CSMD1: variants seen among roughly 807,000 people sequenced by gnomAD.
The protein encoded by CSMD1 is CUB and sushi domain-containing protein 1.
Under a neutral mutation model 417.5 loss-of-function variants are expected in CSMD1, and 213 were observed. That is an observed-to-expected ratio of 0.51 (90% confidence interval 0.46 to 0.57). The LOEUF is 0.57. Among genes scored for constraint, CSMD1 ranks in the 20% least tolerant of loss-of-function variants. The pLI is 0.00. For missense variants in CSMD1, 6,923 were observed against 4,529.7 expected (o/e 1.53, Z -15.17); for synonymous variants, 2,862 against 1,736.8 (o/e 1.65, Z -16.11).
intron 2 of CSMD1, among the ~76,000 whole-genome samples, chr8:4,571,240 T>C (rs1735301957): frequency 2.6e-5 from 4 of 152,200 alleles, no homozygotes; most frequent in Admixed American, 2.6e-4. Context: ...TGTTAGGGCA[T>C]CGATTTTGGA....
intron 7 of CSMD1, among the ~76,000 whole-genome samples, chr8:3,682,515 T>A (rs530832523): frequency 6.6e-6 from 1 of 152,164 alleles, no homozygotes; most frequent in Non-Finnish European, 1.5e-5. Context: ...ACAGTTGGAA[T>A]GGCGATCATT....
At chr8:4,278,911 G>C (rs547609410) in intron 3 of CSMD1, among the ~76,000 whole-genome samples, 1 of 152,150 alleles carries the variant, frequency 6.6e-6, no homozygotes, top group Non-Finnish European at 1.5e-5. Flanking sequence ...TTCTCTGAAA[G>C]TAACAAGCCT....
intron 65 of CSMD1, among the ~76,000 whole-genome samples, chr8:2,951,625 T>C (rs1765160484): frequency 6.6e-6 from 1 of 152,132 alleles, no homozygotes; most frequent in South Asian, 2.1e-4. Context: ...AAGAAATATG[T>C]TTACCTGACC....
At chr8:4,970,119 A>T (rs998779829) in intron 1 of CSMD1, among the ~76,000 whole-genome samples, 10 of 150,884 alleles carry the variant, frequency 6.6e-5, no homozygotes, top group Non-Finnish European at 1.3e-4. Context: ...TTGTATGTAA[A>T]AATTCTATAC....
intron 15 of CSMD1, among the ~76,000 whole-genome samples, chr8:3,403,438 C>T (rs761565243): frequency 6.6e-6 from 1 of 152,192 alleles, no homozygotes; most frequent in South Asian, 2.1e-4. Flanking sequence ...TGCACTCAGT[C>T]ATTAGGTTTC....
At chr8:3,769,320 A>G (rs1165736269) in intron 5 of CSMD1, among the ~76,000 whole-genome samples, 1 of 152,062 alleles carries the variant, frequency 6.6e-6, no homozygotes, top group Admixed American at 6.6e-5. Flanking sequence ...ATTTTGAGAA[A>G]AATTGCAAAT....
intron 8 of CSMD1, among the ~76,000 whole-genome samples, chr8:3,599,458 A>G (rs901380434): frequency 1.3e-5 from 2 of 152,030 alleles, no homozygotes; most frequent in African/African-American, 4.8e-5. Context: ...AAGCAGCATT[A>G]TTAACCACAA....
intron 3 of CSMD1, among the ~76,000 whole-genome samples, chr8:4,332,248 C>T (rs936582868): frequency 2.6e-5 from 4 of 152,074 alleles, no homozygotes; most frequent in African/African-American, 4.8e-5. Context: ...CCATTGCCAC[C>T]ACATCTTAAT....
At chr8:4,174,219 G>T (rs190987538) in intron 3 of CSMD1, among the ~76,000 whole-genome samples, 4 of 152,112 alleles carry the variant, frequency 2.6e-5, no homozygotes, top group Non-Finnish European at 2.9e-5. Flanking sequence ...GCTATGTGAG[G>T]ACACCGTCTT....
intron 3 of CSMD1, among the ~76,000 whole-genome samples, chr8:4,393,871 A>C (rs1335004726): frequency 6.6e-6 from 1 of 152,192 alleles, no homozygotes; most frequent in African/African-American, 2.4e-5. Context: ...GAGCACACGG[A>C]ACAACCATGA....
intron 12 of CSMD1, among the ~76,000 whole-genome samples, chr8:3,458,157 A>G (rs958817965): frequency 1.3e-5 from 2 of 152,186 alleles, no homozygotes; most frequent in Non-Finnish European, 2.9e-5. Flanking sequence ...TTACTTTGAC[A>G]TGTAATCTGT....
intron 5 of CSMD1, among the ~76,000 whole-genome samples, chr8:3,763,246 G>C (rs942288702): frequency 1.3e-5 from 2 of 152,104 alleles, no homozygotes; most frequent in Non-Finnish European, 2.9e-5. Context: ...ATGCCAGCTA[G>C]GGTGCTTATA....
chr8:3,056,138 C>T (rs768729939), intron 49 of CSMD1, among the ~76,000 whole-genome samples: 6 of 152,130 alleles, frequency 3.9e-5, no homozygotes, highest in Non-Finnish European at 8.8e-5. Context: ...CTGTTATCTA[C>T]TTATTAAAGA....
At chr8:4,248,200 C>A (rs750767660) in intron 3 of CSMD1, among the ~76,000 whole-genome samples, 3 of 152,082 alleles carry the variant, frequency 2.0e-5, no homozygotes, top group South Asian at 2.1e-4. Flanking sequence ...CATGACATGA[C>A]ATGACATGCC....
chr8:4,012,224 T>C (rs1172127919), intron 4 of CSMD1, among the ~76,000 whole-genome samples: 1 of 151,968 alleles, frequency 6.6e-6, no homozygotes, highest in Non-Finnish European at 1.5e-5. Flanking sequence ...TACTCACTCG[T>C]CTCTTTAGAT....
chr8:3,583,667 G>C (rs12681886), intron 9 of CSMD1, among the ~76,000 whole-genome samples: 43,483 of 151,760 alleles, frequency 0.29, 7,716 homozygotes, highest in Non-Finnish European at 0.39. Context: ...TCAGGGCTGG[G>C]TGATTTTGAA....
chr8:3,165,490 G>C (rs758927719), intron 37 of CSMD1, among the ~76,000 whole-genome samples: 1 of 151,810 alleles, frequency 6.6e-6, no homozygotes. Flanking sequence ...GGAGTGCAGT[G>C]GTGTGATCTC....
chr8:3,095,853 T>TG (rs1815257910), intron 47 of CSMD1, among the ~76,000 whole-genome samples: 1 of 152,222 alleles, frequency 6.6e-6, no homozygotes, highest in Admixed American at 6.5e-5. Flanking sequence ...TTTAATCATA[T>TG]CACTGTTAAA....
At chr8:4,707,886 C>CAAAAAAA (rs552510236) in intron 1 of CSMD1, among the ~76,000 whole-genome samples, 34 of 100,846 alleles carry the variant, frequency 3.4e-4, no homozygotes, top group Non-Finnish European at 4.0e-4. Flanking sequence ...GACTTTGTTT[C>CAAAAAAA]AAAAAAAAAA....
Sources: allele counts gnomAD v4.1 joint callset (sites outside exome capture counted in the v4.1 genomes callset), GRCh38; gene constraint gnomAD v4.1.1; transcripts MANE v1.5; gene names NCBI Gene and HGNC (gene_info 2026-07-23, HGNC 2026-07-21).